The following DLG2 variants were observed in gnomAD, a reference collection of about 807,000 sequenced individuals.
DLG2 encodes the protein discs large MAGUK scaffold protein 2.
A neutral mutation model predicts 132.5 loss-of-function variants in DLG2; 45 were observed. That is an observed-to-expected ratio of 0.34 (90% CI 0.27 to 0.44). DLG2 has a LOEUF of 0.44. Ranked by LOEUF, DLG2 falls within the 20% of genes least tolerant of loss-of-function variation. The pLI is 1.00. For missense variants in DLG2, 1,045 were observed against 1,196.9 expected, an observed-to-expected ratio of 0.87 and a Z score of 1.87; for synonymous variants, 424 against 419.6, an observed-to-expected ratio of 1.01 and a Z score of -0.13.
rs527277324 is a variant in DLG2 at position 84,481,449 on chromosome 11, C to T, written c.519+53121G>A. On this transcript the variant is annotated intron_variant, in intron 7 of 27. Transcript: ENST00000376104. Reference sequence around the variant, plus strand: ...TCTCTTGTCTTGCTTGGCCTTATCACCTGTAAAATGAGAAAATAGTAGTAC... The same window carrying T: ...TCTCTTGTCTTGCTTGGCCTTATCATCTGTAAAATGAGAAAATAGTAGTAC... Among the ~76,000 whole-genome samples, 4 of 152,160 alleles carry T rather than the reference C, an allele frequency of 2.6e-5. No individual in the cohort carries two copies. The South Asian group carries it at 8.3e-4, about 32-fold the overall frequency.
At position 84,202,802 on chromosome 11, in the gene DLG2, G is replaced by A. The variant is rs530830081; in HGVS notation, c.574-39291C>T. ...ACACACAAATTAAAAAGTGGGCAAA[G>A]TACAAGAACAGACACTTCTCAAAAG... On this transcript the variant is annotated intron_variant, in intron 8 of 27. Transcript: ENST00000376104. 2.0e-5 allele frequency among the ~76,000 whole-genome samples: 3 copies of A among 152,098 alleles called. No individual in the cohort carries two copies. The East Asian group carries it at 5.8e-4, about 29-fold the overall frequency.
At chr11:84,815,126 A>T (rs974578873) in intron 6 of DLG2, among the ~76,000 whole-genome samples, 14 of 152,112 alleles carry the variant, frequency 9.2e-5, no homozygotes, top group African/African-American at 3.4e-4. Context: ...GTGACTATTT[A>T]GTTCACAAAG....
In DLG2 at chr11:84,883,990, C is replaced by A. The variant is rs77806650; in HGVS notation, c.357+227671G>T. Among the ~76,000 whole-genome samples, 1,094 of 152,076 alleles carry A rather than the reference C, an allele frequency of 7.2e-3. 16 individuals carry two copies. The highest frequency in any genetic ancestry group is 0.025 in the African/African-American group (1,052 of 41,494). On this transcript the variant is annotated intron_variant, in intron 6 of 27. Coordinates refer to ENST00000376104, the MANE Select transcript of DLG2 (RefSeq NM_001142699.3). ...CAAAACACTATGCATTATCCTGGTA[C>A]CTTTAAGTCCAAAGAGAATTGTTTA...
At chr11:83,912,832 A>C (rs189559966) in intron 15 of DLG2, among the ~76,000 whole-genome samples, 43 of 152,246 alleles carry the variant, frequency 2.8e-4, no homozygotes, top group Non-Finnish European at 5.4e-4. Flanking sequence ...TTGGGAAAAC[A>C]CTGAGAGAAC....
rs574087949 is a variant in DLG2, at chr11:84,501,232, C to T, written c.519+33338G>A. Among the ~76,000 whole-genome samples, 86 of 152,270 alleles carry T rather than the reference C, an allele frequency of 5.6e-4. 1 individual carries two copies. The South Asian group carries it at 0.012, about 21-fold the overall frequency. On this transcript the variant is annotated intron_variant, in intron 7 of 27. Transcript: ENST00000376104. ...TATGAAGAACTTCAAATTATACAAACGGTCACTTATTTCCTAAGTAGATTC... is the reference window on the plus strand; with the variant it reads ...TATGAAGAACTTCAAATTATACAAATGGTCACTTATTTCCTAAGTAGATTC...
chr11:85,190,094 G>A (rs2080417109), intron 4 of DLG2, among the ~76,000 whole-genome samples: 1 of 152,184 alleles, frequency 6.6e-6, no homozygotes. Context: ...GTTCATCCTA[G>A]CAAAGGATCA....
chr11:83,678,755 AT>A (rs2078215141), intron 18 of DLG2, among the ~76,000 whole-genome samples: 1 of 152,166 alleles, frequency 6.6e-6, no homozygotes. Flanking sequence ...ATATGGGGAA[AT>A]TTGCTCAGTT....
At chr11:85,562,449 A>G (rs2077307901) in intron 3 of DLG2, among the ~76,000 whole-genome samples, 1 of 151,860 alleles carries the variant, frequency 6.6e-6, no homozygotes, top group Non-Finnish European at 1.5e-5. Context: ...ATTTTATTTC[A>G]TTTATCCTCA....
chr11:83,962,803 A>G (rs1591921346), intron 14 of DLG2, 82 bp downstream of exon 14: 12 of 1,550,708 alleles, frequency 7.7e-6, no homozygotes, highest in African/African-American at 6.8e-5. Context: ...TTAGCATCCA[A>G]AACAACACCT....
intron 11 of DLG2, among the ~76,000 whole-genome samples, chr11:84,015,979 A>G (rs182923832): frequency 1.3e-5 from 2 of 152,234 alleles, no homozygotes; most frequent in Admixed American, 1.3e-4. Flanking sequence ...CAATGGTTGA[A>G]CTAATTTACA....
rs73503543 is a variant in DLG2, at chr11:85,478,350, T to G, written c.40+120307A>C. Among the ~76,000 whole-genome samples, 1,455 of 152,142 alleles carry G rather than the reference T, an allele frequency of 9.6e-3. 19 individuals carry two copies. Among genetic ancestry groups the G allele is most frequent in the African/African-American group, 0.033 (1,373 of 41,476 alleles). On this transcript the variant is annotated intron_variant, in intron 3 of 27. Coordinates refer to ENST00000376104, the MANE Select transcript of DLG2 (RefSeq NM_001142699.3). Reference sequence around the variant, plus strand: ...AATATTTTCAATAGAGTGTAATTATTCTAATAGAATTAAGTGGCCTCTTCC... The same window carrying G: ...AATATTTTCAATAGAGTGTAATTATGCTAATAGAATTAAGTGGCCTCTTCC...
intron 15 of DLG2, among the ~76,000 whole-genome samples, chr11:83,899,926 C>G (rs1413062133): frequency 6.6e-6 from 1 of 152,116 alleles, no homozygotes; most frequent in Non-Finnish European, 1.5e-5. Flanking sequence ...TTGGAACTCC[C>G]TAGAGACTGG....
chr11:84,509,016 C>T (rs999231726), intron 7 of DLG2, among the ~76,000 whole-genome samples: 7 of 152,132 alleles, frequency 4.6e-5, no homozygotes, highest in African/African-American at 4.8e-5. Context: ...CATAGCTGAG[C>T]GCAAACACAA....
chr11:84,986,194 G>C (rs571567833), intron 6 of DLG2, among the ~76,000 whole-genome samples: 22 of 152,004 alleles, frequency 1.4e-4, no homozygotes, highest in African/African-American at 5.1e-4. Context: ...ACATAAACTA[G>C]AAAACCTAGA....
intron 4 of DLG2, among the ~76,000 whole-genome samples, chr11:85,156,599 C>T (rs908501006): frequency 6.6e-6 from 1 of 152,202 alleles, no homozygotes; most frequent in African/African-American, 2.4e-5. Flanking sequence ...GGCAGTCAAT[C>T]TGACTGTATC....
intron 6 of DLG2, chr11:84,800,741 G>C (rs2075265566): frequency 6.6e-6 from 1 of 152,088 alleles, no homozygotes; most frequent in Admixed American, 6.5e-5. Flanking sequence ...CTTTTCTCTA[G>C]TTGATATGAC....
intron 4 of DLG2, among the ~76,000 whole-genome samples, chr11:85,172,245 C>T (rs2078928594): frequency 6.6e-6 from 1 of 152,182 alleles, no homozygotes; most frequent in Non-Finnish European, 1.5e-5. Context: ...CCATTAGCTC[C>T]CAGAGGAAGG....
chr11:83,877,935 C>T (rs1477089241), intron 15 of DLG2, among the ~76,000 whole-genome samples: 4 of 152,154 alleles, frequency 2.6e-5, no homozygotes, highest in Admixed American at 2.0e-4. Flanking sequence ...TCTATCGTTT[C>T]CACATTATTG....
intron 19 of DLG2, among the ~76,000 whole-genome samples, chr11:83,622,295 C>T (rs1395365090): frequency 2.0e-5 from 3 of 152,184 alleles, no homozygotes; most frequent in Non-Finnish European, 4.4e-5. Context: ...AATTATGTAG[C>T]AGGTCCTGGG....
Sources: gnomAD v4.1 joint callset for allele counts (sites outside exome capture counted in the v4.1 genomes callset) on GRCh38, gnomAD v4.1.1 for gene constraint, MANE v1.5 for transcripts, NCBI Gene and HGNC (gene_info 2026-07-23, HGNC 2026-07-21) for gene names.